The following GSK3B variants were observed in gnomAD, a reference collection of about 807,000 sequenced individuals.
GSK3B encodes the protein glycogen synthase kinase 3 beta, also known as glycogen synthase kinase-3 beta.
GSK3B carries 15 observed loss-of-function variants against 56.4 expected under a neutral mutation model. That is an observed-to-expected ratio of 0.27 (90% CI 0.18 to 0.41). GSK3B has a LOEUF of 0.41. Ranked by LOEUF, GSK3B falls within the 10% of genes least tolerant of loss-of-function variation. The probability of loss-of-function intolerance (pLI) is 1.00; values close to 1 mark genes in which losing one functional copy is unlikely to be tolerated. For missense variants in GSK3B, 300 were observed against 513.4 expected (o/e 0.58, Z 4.02); for synonymous variants, 181 against 188.9 (o/e 0.96, Z 0.34).
At chr3:120,068,715 AAATAAAT>A (rs2058301621) in intron 1 of GSK3B, among the ~76,000 whole-genome samples, 1 of 151,774 alleles carries the variant, frequency 6.6e-6, no homozygotes, top group Admixed American at 6.6e-5. Flanking sequence ...ATAAATAAAT[AAATAAAT>A]AATAATAATA....
chr3:119,897,793 CAAAAAAAA>C (rs11464173), intron 7 of GSK3B, among the ~76,000 whole-genome samples: 1 of 73,150 alleles, frequency 1.4e-5, no homozygotes, highest in South Asian at 4.9e-4. Flanking sequence ...GACTCTGTCT[CAAAAAAAA>C]AAAAAAAAAA....
In GSK3B at chr3:119,825,944, T is replaced by C. The variant is rs961378767; in HGVS notation, c.*844A>G. The C allele has an allele frequency of 7.9e-5, 17 of 215,100 alleles. No homozygotes were observed. The highest frequency in any genetic ancestry group is 3.8e-4 in the African/African-American group (17 of 44,300). The allele number at this position is 215,100 out of a possible 1,614,324, so 13.3% of individuals were successfully genotyped here. Reference sequence around the variant, plus strand: ...GACCTCAGCAGCTAGCTCAGCCTGCTCAACACCCCTTCCATCTCCTCCCAG... The same window carrying C: ...GACCTCAGCAGCTAGCTCAGCCTGCCCAACACCCCTTCCATCTCCTCCCAG... On this transcript the variant is annotated 3_prime_UTR_variant, in exon 11 of 11. Coordinates refer to ENST00000264235, the MANE Select transcript of GSK3B (RefSeq NM_001146156.2).
At chr3:120,037,881 T>C (rs1018932731) in intron 1 of GSK3B, among the ~76,000 whole-genome samples, 1 of 152,158 alleles carries the variant, frequency 6.6e-6, no homozygotes, top group Non-Finnish European at 1.5e-5. Flanking sequence ...GTTAACACTA[T>C]TATATTTTCC....
At chr3:119,959,313 T>C (rs968064905) in intron 2 of GSK3B, among the ~76,000 whole-genome samples, 5 of 152,080 alleles carry the variant, frequency 3.3e-5, no homozygotes, top group Admixed American at 2.6e-4. Flanking sequence ...AATTCCAAAA[T>C]CTTTTAACCA....
At chr3:119,837,965 TA>T (rs1176239266) in intron 10 of GSK3B, among the ~76,000 whole-genome samples, 1 of 147,326 alleles carries the variant, frequency 6.8e-6, no homozygotes, top group Admixed American at 6.8e-5. Context: ...TATATATATA[TA>T]TATATTTCAG....
intron 2 of GSK3B, among the ~76,000 whole-genome samples, chr3:119,973,888 T>C (rs934754364): frequency 1.3e-5 from 2 of 152,122 alleles, no homozygotes; most frequent in African/African-American, 4.8e-5. Context: ...ACTGTAGTGC[T>C]GGAAAAACTG....
intron 1 of GSK3B, among the ~76,000 whole-genome samples, chr3:120,027,794 G>A (rs1201053185): frequency 6.6e-6 from 1 of 152,120 alleles, no homozygotes; most frequent in Non-Finnish European, 1.5e-5. Flanking sequence ...TAGATAGTGA[G>A]AATACAGGCA....
intron 6 of GSK3B, among the ~76,000 whole-genome samples, chr3:119,911,536 A>T (rs1432405012): frequency 2.0e-5 from 3 of 152,144 alleles, no homozygotes; most frequent in South Asian, 2.1e-4. Flanking sequence ...TCTCTAGAAG[A>T]AGTCTTCCAT....
intron 9 of GSK3B, among the ~76,000 whole-genome samples, chr3:119,844,366 T>TAAA (rs148828914): frequency 1.4e-5 from 2 of 147,506 alleles, no homozygotes; most frequent in African/African-American, 2.5e-5. Flanking sequence ...AAAAAACTCT[T>TAAA]AAAAAAAAAA....
At chr3:120,060,718 C>G (rs1439367825) in intron 1 of GSK3B, among the ~76,000 whole-genome samples, 1 of 151,668 alleles carries the variant, frequency 6.6e-6, no homozygotes, top group African/African-American at 2.4e-5. Flanking sequence ...AGAGCGAGAC[C>G]CTGCTTCAAA....
intron 2 of GSK3B, among the ~76,000 whole-genome samples, chr3:119,983,709 A>T (rs1436899369): frequency 6.6e-6 from 1 of 152,222 alleles, no homozygotes; most frequent in Non-Finnish European, 1.5e-5. Context: ...TTCATAAAGC[A>T]AGTCCTTGGA....
At chr3:120,064,181 GA>G (rs1228257793) in intron 1 of GSK3B, among the ~76,000 whole-genome samples, 2 of 151,238 alleles carry the variant, frequency 1.3e-5, no homozygotes, top group Non-Finnish European at 2.9e-5. Flanking sequence ...CAGCATAAGA[GA>G]AAAAAAGTAT....
At chr3:120,029,197 A>G (rs2057955069) in intron 1 of GSK3B, 6 of 682,914 alleles carry the variant, frequency 8.8e-6, no homozygotes, top group South Asian at 8.1e-5. Flanking sequence ...AAAGGAGATT[A>G]ACAAGTGGTA....
At chr3:119,880,551 G>T (rs1186357812) in intron 7 of GSK3B, among the ~76,000 whole-genome samples, 1 of 152,070 alleles carries the variant, frequency 6.6e-6, no homozygotes, top group Non-Finnish European at 1.5e-5. Flanking sequence ...ATAAAGTTTG[G>T]GTAAGATAGA....
chr3:120,066,467 T>A (rs1234676094), intron 1 of GSK3B, among the ~76,000 whole-genome samples: 2 of 152,110 alleles, frequency 1.3e-5, no homozygotes, highest in African/African-American at 4.8e-5. Flanking sequence ...ACATCAAATA[T>A]ACTCAAAACT....
At chr3:119,993,586 C>T (rs1331952410) in intron 2 of GSK3B, among the ~76,000 whole-genome samples, 1 of 152,142 alleles carries the variant, frequency 6.6e-6, no homozygotes, top group African/African-American at 2.4e-5. Context: ...GAGTTAGCAG[C>T]TCTGAAACTA....
At chr3:119,974,409 T>G (rs1340160500) in intron 2 of GSK3B, among the ~76,000 whole-genome samples, 1 of 151,758 alleles carries the variant, frequency 6.6e-6, no homozygotes, top group African/African-American at 2.4e-5. Flanking sequence ...ATGAGGACTC[T>G]GAGATTAATA....
In GSK3B at chr3:120,042,116, C is replaced by G. The variant is rs761606592; in HGVS notation, c.89-39877G>C. 4.9e-4 allele frequency among the ~76,000 whole-genome samples: 75 copies of G among 152,050 alleles called. 1 individual carries two copies. The highest frequency in any genetic ancestry group is 8.8e-4 in the Non-Finnish European group (60 of 67,996). The stretch of plus-strand genomic sequence containing the variant: ...CGCTATTGTCTATGTCCCCAGACAC[C>G]AAAAAAGCCTGTCTTTTAAGAGTCA... On this transcript the variant is annotated intron_variant, in intron 1 of 10. Transcript: ENST00000264235.
chr3:120,085,437 C>T (rs1339249297), intron 1 of GSK3B, among the ~76,000 whole-genome samples: 1 of 152,192 alleles, frequency 6.6e-6, no homozygotes, highest in Non-Finnish European at 1.5e-5. Context: ...TCTTCAGGTG[C>T]TCACACCACA....
Sources: allele counts gnomAD v4.1 joint callset (sites outside exome capture counted in the v4.1 genomes callset), GRCh38; gene constraint gnomAD v4.1.1; transcripts MANE v1.5; gene names NCBI Gene and HGNC (gene_info 2026-07-23, HGNC 2026-07-21).